The following KASH5 variants were observed in gnomAD, a reference collection of about 807,000 sequenced individuals.
KASH5 encodes protein KASH5.
A neutral mutation model predicts 84.2 loss-of-function variants in KASH5; 72 were observed. The observed-to-expected ratio is 0.85, with a 90% CI of 0.71 to 1.04. The LOEUF (loss-of-function observed/expected upper bound fraction) is 1.04. Ranked by LOEUF, KASH5 falls within the 50% of genes least tolerant of loss-of-function variation. The pLI is 0.00. For missense variants in KASH5, 650 were observed against 701.0 expected, an observed-to-expected ratio of 0.93 and a Z score of 0.82; for synonymous variants, 260 against 279.1, an observed-to-expected ratio of 0.93 and a Z score of 0.68.
chr19:49,409,422 T>A, intron 14 of KASH5, 139 bp downstream of exon 14: 2 of 929,826 alleles, frequency 2.2e-6, no homozygotes, highest in Non-Finnish European at 3.3e-6. Context: ...AGCTTTTCTC[T>A]AACTCTCTCT....
intron 9 of KASH5, among the ~76,000 whole-genome samples, chr19:49,400,156 A>G (rs1336142190): frequency 6.7e-6 from 1 of 149,704 alleles, no homozygotes; most frequent in East Asian, 2.0e-4. Flanking sequence ...CGAGCCCGGG[A>G]GACAGAGGTT....
chr19:49,394,969 C>A, intron 3 of KASH5, 137 bp from the exon 4 acceptor site: 1 of 657,230 alleles, frequency 1.5e-6, no homozygotes, highest in Non-Finnish European at 2.5e-6. Context: ...AAAGGGCTTG[C>A]CCAGTGTGTC....
intron 9 of KASH5, among the ~76,000 whole-genome samples, chr19:49,406,543 A>AT (rs1974531615): frequency 6.6e-6 from 1 of 151,980 alleles, no homozygotes; most frequent in Non-Finnish European, 1.5e-5. Context: ...TGCCCAGCTA[A>AT]TTTTTTTATT....
At chr19:49,408,477 CT>C (rs1974603661) in intron 12 of KASH5, among the ~76,000 whole-genome samples, 1 of 149,496 alleles carries the variant, frequency 6.7e-6, no homozygotes, top group South Asian at 2.1e-4. Flanking sequence ...GAGATGGAGT[CT>C]GGCTGTGTCA....
At chr19:49,407,127 T>C in intron 10 of KASH5, 113 bp from the exon 11 acceptor site, 1 of 1,380,096 alleles carries the variant, frequency 7.2e-7, no homozygotes, top group East Asian at 2.4e-5. Context: ...TCCTGGAACA[T>C]CTCAGGAGGC....
intron 1 of KASH5, among the ~76,000 whole-genome samples, chr19:49,388,802 G>A (rs938529878): frequency 1.3e-5 from 2 of 151,806 alleles, no homozygotes; most frequent in Non-Finnish European, 2.9e-5. Flanking sequence ...TCTAGAAATT[G>A]TCAGACTTCT....
chr19:49,415,901 ATCC>A (rs1974890031), intron 17 of KASH5, among the ~76,000 whole-genome samples: 1 of 152,192 alleles, frequency 6.6e-6, no homozygotes, highest in African/African-American at 2.4e-5. Flanking sequence ...GTCATTCATC[ATCC>A]TCATCTGTGT....
At chr19:49,411,965 AAGGAAGGAAAG>A (rs1568623126) in intron 15 of KASH5, among the ~76,000 whole-genome samples, 2 of 142,242 alleles carry the variant, frequency 1.4e-5, no homozygotes, top group African/African-American at 5.9e-5. Context: ...GGAAGGAAGG[AAGGAAGGAAAG>A]AAGGAAGCCA....
intron 9 of KASH5, among the ~76,000 whole-genome samples, chr19:49,401,564 C>G (rs545867985): frequency 1.1e-4 from 16 of 152,256 alleles, no homozygotes; most frequent in Non-Finnish European, 1.8e-4. Context: ...CTGGGAAGTA[C>G]ACGCAAGGCC....
intron 12 of KASH5, 38 bp downstream of exon 12, chr19:49,407,709 C>A: frequency 6.4e-7 from 1 of 1,569,544 alleles, no homozygotes. Context: ...GCGGCCCTCG[C>A]CACTTCTCTT....
intron 10 of KASH5, 92 bp downstream of exon 10, chr19:49,407,055 AGG>A: frequency 7.4e-7 from 1 of 1,351,114 alleles, no homozygotes; most frequent in Non-Finnish European, 1.0e-6. Flanking sequence ...TGATAAGGGC[AGG>A]GTCTTCCATC....
rs751375089 is a variant in KASH5 at position 49,412,689 on chromosome 19, G to A, written c.1270-279G>A. Reference sequence around the variant, plus strand: ...GAACATCCAGGAAGTTTAGGCAACCGGGACTCCTGGGTCCTGTCAGGGAAG... The same window carrying A: ...GAACATCCAGGAAGTTTAGGCAACCAGGACTCCTGGGTCCTGTCAGGGAAG... On this transcript the variant is annotated intron_variant, in intron 15 of 19. Coordinates refer to ENST00000447857, the MANE Select transcript of KASH5 (RefSeq NM_144688.5). This position sits in a 1 kb window ranked among gnomAD's most constrained non-coding sequence, Gnocchi z 4.6. Among the ~76,000 whole-genome samples, 4 of 152,192 alleles carry A rather than the reference G, an allele frequency of 2.6e-5. No homozygotes were observed. The highest frequency in any genetic ancestry group is 5.9e-5 in the Non-Finnish European group (4 of 68,032).
At chr19:49,406,588 G>A (rs753601668) in intron 9 of KASH5, among the ~76,000 whole-genome samples, 1 of 152,090 alleles carries the variant, frequency 6.6e-6, no homozygotes, top group Non-Finnish European at 1.5e-5. Flanking sequence ...TGTTGGCCAG[G>A]CTGGTCTTGA....
chr19:49,391,176 C>G (rs957681059), intron 2 of KASH5, among the ~76,000 whole-genome samples: 1 of 152,256 alleles, frequency 6.6e-6, no homozygotes, highest in East Asian at 1.9e-4. Context: ...AGCCGCACCC[C>G]TTACTCCATT....
Position 49,414,801 on chromosome 19 carries a change from C to T in KASH5, c.1329-150C>T, listed in dbSNP as rs1600959128. ...CGTGCTGCCTGGCCTCCCCCAGGCC[C>T]GTCCGTGCTGCCTGGCCTCCCCCAG... On this transcript the variant is annotated intron_variant, in intron 16 of 19. Transcript: ENST00000447857. This position sits in a 1 kb window ranked among gnomAD's most constrained non-coding sequence, Gnocchi z 4.5. 8 of 662,806 alleles carry T rather than the reference C, an allele frequency of 1.2e-5. No homozygotes were observed. The highest frequency in any genetic ancestry group is 8.5e-5 in the East Asian group (3 of 35,498). The allele number at this position is 662,806 out of a possible 1,614,324, so 41.1% of individuals were successfully genotyped here. A position where few individuals can be genotyped will look rare whatever the true frequency, so the allele number is the denominator to read the frequency against.
intron 9 of KASH5, among the ~76,000 whole-genome samples, chr19:49,401,390 C>T (rs1410815159): frequency 6.6e-6 from 1 of 152,224 alleles, no homozygotes. Flanking sequence ...GTCCGTCACT[C>T]ATTTCCCTGA....
chr19:49,412,940 A>G lies in KASH5; in HGVS notation c.1270-28A>G. The G allele has an allele frequency of 6.2e-7, 1 of 1,612,778 alleles. No individual in the cohort carries two copies. Among genetic ancestry groups the G allele is most frequent in the African/African-American group, 1.3e-5 (1 of 75,010 alleles). On this transcript the variant is annotated intron_variant, in intron 15 of 19. Coordinates refer to ENST00000447857, the MANE Select transcript of KASH5 (RefSeq NM_144688.5). This position sits in a 1 kb window ranked among gnomAD's most constrained non-coding sequence, Gnocchi z 4.6. ...TGGAGCTTTGAGTGAGAAGAATCAGAGAAGAACTAACCTTTTTGTTTCCAC... is the reference window on the plus strand; with the variant it reads ...TGGAGCTTTGAGTGAGAAGAATCAGGGAAGAACTAACCTTTTTGTTTCCAC...
At chr19:49,408,124 C>T (rs1253849533) in intron 12 of KASH5, 5 of 217,428 alleles carry the variant, frequency 2.3e-5, no homozygotes, top group Non-Finnish European at 4.7e-5. Context: ...CCATGTTGGC[C>T]AGGATGGTCT....
intron 6 of KASH5, 124 bp from the exon 7 acceptor site, chr19:49,397,858 G>A: frequency 7.1e-7 from 1 of 1,417,592 alleles, no homozygotes. Flanking sequence ...GAGAGCAGAG[G>A]AGTCTCTCTC....
Sources: gnomAD v4.1 joint callset for allele counts (sites outside exome capture counted in the v4.1 genomes callset) on GRCh38, gnomAD v4.1.1 for gene constraint, Gnocchi (gnomAD v3.1) non-coding constraint, MANE v1.5 for transcripts, NCBI Gene and HGNC (gene_info 2026-07-23, HGNC 2026-07-21) for gene names.